Variants in RBFOX1 observed in about 807,000 individuals in gnomAD.
RBFOX1 encodes the protein RNA binding protein fox-1 homolog 1.
In RBFOX1, 8 loss-of-function variants were observed where a neutral mutation model predicts 57.7. That is an observed-to-expected ratio of 0.14 (90% CI 0.08 to 0.25). RBFOX1 has a LOEUF of 0.25. RBFOX1 is among the 10% of genes least tolerant of loss of function. The probability of loss-of-function intolerance (pLI) is 1.00; values close to 1 mark genes in which losing one functional copy is unlikely to be tolerated. For synonymous variants in RBFOX1, 326 were observed against 222.4 expected, an observed-to-expected ratio of 1.47 and a Z score of -4.15; for missense variants, 611 against 548.5, an observed-to-expected ratio of 1.11 and a Z score of -1.14.
At chr16:6,869,014 A>G (rs1431944887) in intron 3 of RBFOX1, among the ~76,000 whole-genome samples, 1 of 152,198 alleles carries the variant, frequency 6.6e-6, no homozygotes, top group Admixed American at 6.5e-5. Flanking sequence ...ACAAAAAACA[A>G]AAGTTCCAGC....
chr16:5,475,494 T>C (rs2069289928), intron 2 of RBFOX1, among the ~76,000 whole-genome samples: 1 of 152,216 alleles, frequency 6.6e-6, no homozygotes, highest in Non-Finnish European at 1.5e-5. Flanking sequence ...TTCCAACCTC[T>C]TCCCAGGCAT....
intron 4 of RBFOX1, among the ~76,000 whole-genome samples, chr16:7,437,246 C>G (rs2098729477): frequency 2.2e-5 from 2 of 90,510 alleles, no homozygotes; most frequent in Admixed American, 2.2e-4. Flanking sequence ...ATTAAATTAT[C>G]TTTGCCCCCC....
intron 3 of RBFOX1, among the ~76,000 whole-genome samples, chr16:5,730,257 A>G (rs531135869): frequency 2.6e-5 from 4 of 152,164 alleles, no homozygotes; most frequent in Middle Eastern, 3.4e-3. Flanking sequence ...TTTTTCTTTC[A>G]ATGTCCATAC....
At chr16:6,444,401 G>T (rs2094444724) in intron 2 of RBFOX1, among the ~76,000 whole-genome samples, 1 of 152,122 alleles carries the variant, frequency 6.6e-6, no homozygotes, top group African/African-American at 2.4e-5. Context: ...TACGGGTCAT[G>T]GGAGGGAACC....
chr16:6,557,874 C>G (rs1437558474), intron 2 of RBFOX1, among the ~76,000 whole-genome samples: 2 of 152,048 alleles, frequency 1.3e-5, no homozygotes, highest in Non-Finnish European at 2.9e-5. Context: ...TGTATTCTCC[C>G]CTTTGGTGTG....
chr16:5,882,625 T>C (rs1233046953), intron 4 of RBFOX1, among the ~76,000 whole-genome samples: 1 of 152,100 alleles, frequency 6.6e-6, no homozygotes, highest in Non-Finnish European at 1.5e-5. Flanking sequence ...GGGTTCAACA[T>C]TTGAGGGGAC....
intron 4 of RBFOX1, among the ~76,000 whole-genome samples, chr16:5,983,555 G>A (rs1248788442): frequency 1.3e-5 from 2 of 152,152 alleles, no homozygotes; most frequent in Non-Finnish European, 2.9e-5. Flanking sequence ...ACTCTGTGGT[G>A]CAGGAAACGC....
chr16:6,561,114 C>G (rs888002078), intron 2 of RBFOX1, among the ~76,000 whole-genome samples: 2 of 152,134 alleles, frequency 1.3e-5, no homozygotes, highest in Admixed American at 6.5e-5. Flanking sequence ...AGTCTATGAA[C>G]TTTGATATTT....
At chr16:7,367,282 G>C (rs894800010) in intron 4 of RBFOX1, among the ~76,000 whole-genome samples, 9 of 152,148 alleles carry the variant, frequency 5.9e-5, no homozygotes, top group Admixed American at 5.9e-4. Flanking sequence ...TTGAGATAAA[G>C]AGTGCAGTTC....
intron 3 of RBFOX1, among the ~76,000 whole-genome samples, chr16:6,748,387 A>C (rs1354558977): frequency 1.3e-5 from 2 of 152,246 alleles, no homozygotes; most frequent in African/African-American, 2.4e-5. Context: ...TGGGGTGGGC[A>C]CTGTGGCTCA....
intron 10 of RBFOX1, among the ~76,000 whole-genome samples, chr16:7,613,660 A>T (rs1033711908): frequency 3.3e-5 from 5 of 152,150 alleles, no homozygotes; most frequent in African/African-American, 1.2e-4. Flanking sequence ...GGCTAGAGTG[A>T]ACCATGATTC....
At chr16:5,311,677 T>A (rs2064093526) in intron 1 of RBFOX1, among the ~76,000 whole-genome samples, 1 of 152,254 alleles carries the variant, frequency 6.6e-6, no homozygotes, top group South Asian at 2.1e-4. Flanking sequence ...CCTATGTTTG[T>A]TGGTCATTTG....
intron 4 of RBFOX1, among the ~76,000 whole-genome samples, chr16:7,479,077 C>T (rs991910381): frequency 6.6e-6 from 1 of 150,858 alleles, no homozygotes; most frequent in Admixed American, 6.6e-5. Flanking sequence ...CAGGAATGCA[C>T]TCAGGTTGTG....
intron 1 of RBFOX1, among the ~76,000 whole-genome samples, chr16:6,196,092 G>C (rs1257291907): frequency 2.6e-5 from 4 of 152,144 alleles, no homozygotes; most frequent in African/African-American, 9.7e-5. Context: ...CCTGGTACTG[G>C]GTCAAGTGCT....
intron 4 of RBFOX1, among the ~76,000 whole-genome samples, chr16:7,293,985 C>G (rs950605439): frequency 6.6e-6 from 1 of 152,116 alleles, no homozygotes; most frequent in African/African-American, 2.4e-5. Context: ...TTAATGACAA[C>G]TCATCTTGTA....
chr16:7,220,144 C>T (rs4322687), intron 4 of RBFOX1, among the ~76,000 whole-genome samples: 25,451 of 152,154 alleles, frequency 0.17, 2,572 homozygotes, highest in Non-Finnish European at 0.21. Flanking sequence ...CACCCATCTC[C>T]CCTCCCCACT....
chr16:5,276,025 A>G (rs914940141), intron 1 of RBFOX1, among the ~76,000 whole-genome samples: 3 of 152,226 alleles, frequency 2.0e-5, no homozygotes, highest in African/African-American at 7.2e-5. Flanking sequence ...ACCTTATACA[A>G]AAATCAACAC....
At chr16:6,317,692 A>G (rs1435631294) in intron 2 of RBFOX1, among the ~76,000 whole-genome samples, 1 of 151,972 alleles carries the variant, frequency 6.6e-6, no homozygotes, top group South Asian at 2.1e-4. Flanking sequence ...ATTTTGTCCA[A>G]TTTTCTCAGC....
intron 2 of RBFOX1, among the ~76,000 whole-genome samples, chr16:6,501,666 T>A (rs2095934092): frequency 6.6e-6 from 1 of 152,132 alleles, no homozygotes; most frequent in African/African-American, 2.4e-5. Context: ...AGACAAGGGC[T>A]CCTTCTCCTG....
Sources: gnomAD v4.1 joint callset for allele counts (sites outside exome capture counted in the v4.1 genomes callset) on GRCh38, gnomAD v4.1.1 for gene constraint, MANE v1.5 for transcripts, NCBI Gene and HGNC (gene_info 2026-07-23, HGNC 2026-07-21) for gene names.